GRIK2: variants seen among roughly 807,000 people sequenced by gnomAD.
The protein encoded by GRIK2 is glutamate receptor ionotropic, kainate 2.
Under a neutral mutation model 100.3 loss-of-function variants are expected in GRIK2, and 32 were observed. That is an observed-to-expected ratio of 0.32 (90% confidence interval 0.24 to 0.43). The LOEUF (loss-of-function observed/expected upper bound fraction) is 0.43. Among genes scored for constraint, GRIK2 ranks in the 20% least tolerant of loss-of-function variants. GRIK2 has a pLI of 1.00. For synonymous variants in GRIK2, 417 were observed against 389.4 expected (o/e 1.07, Z -0.83); for missense variants, 843 against 1,114.9 (o/e 0.76, Z 3.47).
chr6:102,000,245 C>T (rs1794864153), intron 14 of GRIK2, among the ~76,000 whole-genome samples: 1 of 145,464 alleles, frequency 6.9e-6, no homozygotes, highest in South Asian at 2.1e-4. Flanking sequence ...ACTGTGATAT[C>T]ACCTGGGCAT....
Position 101,960,048 on chromosome 6 carries a change from G to GTTTTTTTTTTTTT in GRIK2, c.2085+31420_2085+31421insTTTTTTTTTTTTT, listed in dbSNP as rs3029100. On this transcript the variant is annotated intron_variant, in intron 14 of 16. Coordinates refer to ENST00000369134, the MANE Select transcript of GRIK2 (RefSeq NM_021956.5). The stretch of plus-strand genomic sequence containing the variant: ...TTATTTCTCAAAGCCTTTTTTTAGT[G>GTTTTTTTTTTTTT]TTTTGTTTTTTTTTTTTTGTCTGAC... 1.1e-3 allele frequency among the ~76,000 whole-genome samples: 131 copies of GTTTTTTTTTTTTT among 118,192 alleles called. 3 individuals are homozygous for GTTTTTTTTTTTTT. Among genetic ancestry groups the GTTTTTTTTTTTTT allele is most frequent in the African/African-American group, 2.7e-3 (77 of 28,010 alleles). 77.5% of individuals were successfully genotyped at this position (118,192 alleles called of 152,430 possible).
At chr6:101,801,970 A>C (rs1780699335) in intron 8 of GRIK2, among the ~76,000 whole-genome samples, 1 of 151,824 alleles carries the variant, frequency 6.6e-6, no homozygotes, top group African/African-American at 2.4e-5. Flanking sequence ...CAGTAGTTCT[A>C]ACTGTATTTG....
chr6:101,835,092 T>C (rs1359701411), intron 10 of GRIK2, among the ~76,000 whole-genome samples: 1 of 152,212 alleles, frequency 6.6e-6, no homozygotes, highest in Admixed American at 6.5e-5. Context: ...TATCTTTAAA[T>C]GAAGTGTGTA....
At chr6:101,768,465 C>A (rs906805163) in intron 7 of GRIK2, among the ~76,000 whole-genome samples, 1 of 152,152 alleles carries the variant, frequency 6.6e-6, no homozygotes, top group Non-Finnish European at 1.5e-5. Context: ...GTCTGGTGAG[C>A]AAATTATGGT....
At chr6:101,617,988 CAT>C (rs1311281135) in intron 2 of GRIK2, among the ~76,000 whole-genome samples, 6 of 151,494 alleles carry the variant, frequency 4.0e-5, no homozygotes, top group Admixed American at 4.0e-4. Context: ...TTATGGCACA[CAT>C]ATACACGTGT....
intron 7 of GRIK2, among the ~76,000 whole-genome samples, chr6:101,783,529 A>C (rs377761955): frequency 1.3e-5 from 2 of 152,198 alleles, no homozygotes; most frequent in African/African-American, 4.8e-5. Flanking sequence ...AAGTGGGGTA[A>C]TGCTATAAAG....
At chr6:101,876,579 T>C (rs1785865320) in intron 11 of GRIK2, among the ~76,000 whole-genome samples, 1 of 151,712 alleles carries the variant, frequency 6.6e-6, no homozygotes, top group Non-Finnish European at 1.5e-5. Flanking sequence ...CAGAGGCCTG[T>C]CACCATTGTT....
At chr6:101,485,023 T>G (rs2128263342) in intron 2 of GRIK2, among the ~76,000 whole-genome samples, 1 of 152,292 alleles carries the variant, frequency 6.6e-6, no homozygotes, top group South Asian at 2.1e-4. Context: ...TCAGGAAAAC[T>G]AAATAGCATC....
intron 2 of GRIK2, among the ~76,000 whole-genome samples, chr6:101,399,873 G>A (rs1209238476): frequency 6.6e-6 from 1 of 152,222 alleles, no homozygotes; most frequent in African/African-American, 2.4e-5. Context: ...GCAAATGAAA[G>A]GTACTAACCC....
intron 2 of GRIK2, among the ~76,000 whole-genome samples, chr6:101,434,341 C>T (rs1769596786): frequency 6.6e-6 from 1 of 152,168 alleles, no homozygotes; most frequent in Non-Finnish European, 1.5e-5. Context: ...AAGTCTCTCT[C>T]TTCTCAGGCA....
At chr6:101,670,298 A>G (rs1770335634) in intron 4 of GRIK2, among the ~76,000 whole-genome samples, 1 of 152,158 alleles carries the variant, frequency 6.6e-6, no homozygotes, top group African/African-American at 2.4e-5. Flanking sequence ...ATTTTACTCA[A>G]ATTTTTAAGT....
Position 101,760,636 on chromosome 6 carries a change from A to T in GRIK2, c.952-39012A>T, listed in dbSNP as rs569548699. Among the ~76,000 whole-genome samples the T allele has an allele frequency of 3.5e-3, 373 of 106,428 alleles. 34 individuals are homozygous for T. Among genetic ancestry groups the T allele is most frequent in the African/African-American group, 0.013 (355 of 28,050 alleles). 69.8% of individuals were successfully genotyped at this position (106,428 alleles called of 152,430 possible). ...TATTTAATTATATGTTTAATTATAT[A>T]TAATTATATATAATTATATGTTTAA... On this transcript the variant is annotated intron_variant, in intron 7 of 16. Transcript: ENST00000369134.
intron 2 of GRIK2, among the ~76,000 whole-genome samples, chr6:101,523,352 A>G (rs1774977981): frequency 6.6e-6 from 1 of 152,176 alleles, no homozygotes; most frequent in African/African-American, 2.4e-5. Flanking sequence ...GGAATGAGGC[A>G]TGATCTCTGT....
intron 14 of GRIK2, among the ~76,000 whole-genome samples, chr6:101,934,031 C>T (rs894124370): frequency 6.6e-6 from 1 of 151,472 alleles, no homozygotes. Flanking sequence ...TTAACTTTTA[C>T]AGCCTTCCTC....
At chr6:101,819,225 C>T (rs1332077626) in intron 10 of GRIK2, among the ~76,000 whole-genome samples, 1 of 152,138 alleles carries the variant, frequency 6.6e-6, no homozygotes, top group Non-Finnish European at 1.5e-5. Flanking sequence ...ATAAGCTTAT[C>T]AATGACCATT....
intron 2 of GRIK2, among the ~76,000 whole-genome samples, chr6:101,494,710 C>T (rs575325084): frequency 1.2e-3 from 183 of 151,272 alleles, no homozygotes; most frequent in African/African-American, 3.4e-3. Context: ...GTGAGCAGAT[C>T]GCCTGAGCTC....
At chr6:102,054,397 A>G (rs1183195424) in intron 15 of GRIK2, among the ~76,000 whole-genome samples, 3 of 152,142 alleles carry the variant, frequency 2.0e-5, no homozygotes, top group African/African-American at 7.2e-5. Flanking sequence ...AAAAAATGGA[A>G]TGTGCAGTAT....
At chr6:101,489,530 A>G (rs1218796544) in intron 2 of GRIK2, among the ~76,000 whole-genome samples, 4 of 146,286 alleles carry the variant, frequency 2.7e-5, no homozygotes, top group Non-Finnish European at 4.5e-5. Context: ...TGAAAGTATC[A>G]TTTTGCCAAC....
chr6:101,542,094 G>A (rs866438453), intron 2 of GRIK2, among the ~76,000 whole-genome samples: 4 of 152,134 alleles, frequency 2.6e-5, no homozygotes, highest in South Asian at 4.1e-4. Context: ...GGATTCTAAG[G>A]TGTTTTTACT....
Sources: allele counts gnomAD v4.1 joint callset (sites outside exome capture counted in the v4.1 genomes callset), GRCh38; gene constraint gnomAD v4.1.1; transcripts MANE v1.5; gene names NCBI Gene and HGNC (gene_info 2026-07-23, HGNC 2026-07-21).